The following KCTD16 variants were observed in gnomAD, a reference collection of about 807,000 sequenced individuals.
KCTD16 encodes the protein BTB/POZ domain-containing protein KCTD16.
Under a neutral mutation model 33.2 loss-of-function variants are expected in KCTD16, and 13 were observed. That is an observed-to-expected ratio of 0.39 (90% CI 0.25 to 0.62). The LOEUF is 0.62. Ranked by LOEUF, KCTD16 falls within the 20% of genes least tolerant of loss-of-function variation. The pLI is 0.50. For missense variants in KCTD16, 441 were observed against 525.1 expected (o/e 0.84, Z 1.57); for synonymous variants, 197 against 195.3 (o/e 1.01, Z -0.07).
chr5:144,431,981 T>A (rs546846870), intron 3 of KCTD16, among the ~76,000 whole-genome samples: 90 of 152,288 alleles, frequency 5.9e-4, no homozygotes, highest in African/African-American at 1.8e-3. Flanking sequence ...TAAATCATTT[T>A]AAGCACTCAT....
chr5:144,182,877 G>T (rs1021118833), intron 2 of KCTD16, among the ~76,000 whole-genome samples: 2 of 152,084 alleles, frequency 1.3e-5, no homozygotes, highest in African/African-American at 4.8e-5. Flanking sequence ...AGTTATGTTT[G>T]TTATTATTAT....
At chr5:144,316,963 G>A (rs1359442314) in intron 3 of KCTD16, among the ~76,000 whole-genome samples, 2 of 151,000 alleles carry the variant, frequency 1.3e-5, no homozygotes, top group African/African-American at 4.9e-5. Flanking sequence ...AAGTAGCTGT[G>A]CCTACAGGTG....
intron 3 of KCTD16, among the ~76,000 whole-genome samples, chr5:144,361,903 A>ATT (rs1230312520): frequency 9.6e-6 from 1 of 104,128 alleles, no homozygotes; most frequent in Non-Finnish European, 1.9e-5. Flanking sequence ...GGCTGGTGTT[A>ATT]TTTTGTGTGT....
intron 3 of KCTD16, among the ~76,000 whole-genome samples, chr5:144,386,074 A>G (rs1752317270): frequency 6.6e-6 from 1 of 152,208 alleles, no homozygotes; most frequent in Non-Finnish European, 1.5e-5. Flanking sequence ...AGAAATGTGT[A>G]AAGACAGGAT....
intron 3 of KCTD16, among the ~76,000 whole-genome samples, chr5:144,457,394 G>A (rs1754091992): frequency 6.6e-6 from 1 of 152,188 alleles, no homozygotes; most frequent in Admixed American, 6.5e-5. Flanking sequence ...GTTAGGAATG[G>A]TAGAAATGAA....
rs1754689569 is a variant in KCTD16, at chr5:144,480,756, T to A, written c.*6642T>A. On this transcript the variant is annotated 3_prime_UTR_variant, in exon 4 of 4. Coordinates refer to ENST00000512467, the MANE Select transcript of KCTD16 (RefSeq NM_020768.4). ...TGCTGCTAAAGATCCTACAGTGTAC[T>A]GGAAAGCCCTCCATAACAAAAAGTT... The A allele has an allele frequency of 6.6e-6, 1 of 151,932 alleles. No homozygotes were observed. Among genetic ancestry groups the A allele is most frequent in the Admixed American group, 6.6e-5 (1 of 15,224 alleles). 9.4% of individuals were successfully genotyped at this position (151,932 alleles called of 1,614,324 possible). A position where few individuals can be genotyped will look rare whatever the true frequency, so the allele number is the denominator to read the frequency against.
In KCTD16 at chr5:144,297,689, C is replaced by T. The variant is rs1056620283; in HGVS notation, c.832+90143C>T. 5.3e-5 allele frequency among the ~76,000 whole-genome samples: 8 copies of T among 152,252 alleles called. No individual in the cohort carries two copies. In the South Asian group the frequency reaches 6.2e-4, roughly 12 times the overall value. On this transcript the variant is annotated intron_variant, in intron 3 of 3. Coordinates refer to ENST00000512467, the MANE Select transcript of KCTD16 (RefSeq NM_020768.4). ...TGGGGCTTGCAACTTAGCTCACATCCGACCAATCAGGTAGTAAAGAGAGCT... is the reference window on the plus strand; with the variant it reads ...TGGGGCTTGCAACTTAGCTCACATCTGACCAATCAGGTAGTAAAGAGAGCT...
chr5:144,308,456 G>A (rs1194687098), intron 3 of KCTD16, among the ~76,000 whole-genome samples: 2 of 152,208 alleles, frequency 1.3e-5, no homozygotes, highest in African/African-American at 4.8e-5. Flanking sequence ...GTGGGCAGGT[G>A]TTGATTTTTT....
chr5:144,298,790 G>A (rs952597487), intron 3 of KCTD16, among the ~76,000 whole-genome samples: 3 of 151,612 alleles, frequency 2.0e-5, no homozygotes, highest in African/African-American at 7.3e-5. Context: ...TCTCTCTGAA[G>A]TCCTCTCATC....
At chr5:144,212,170 A>G (rs1580791749) in intron 3 of KCTD16, among the ~76,000 whole-genome samples, 2 of 152,140 alleles carry the variant, frequency 1.3e-5, no homozygotes, top group Admixed American at 1.3e-4. Flanking sequence ...TCAGGCAGAT[A>G]TTGGATAATA....
In KCTD16 at chr5:144,485,141, C is replaced by CCTG. The variant is rs1280284100; in HGVS notation, c.*11031_*11033dup. ...TGGGATGTAACACTGTAGATCTTCG[C>CCTG]CTGCTGTATTTCTTTCTTACCTATT... On this transcript the variant is annotated 3_prime_UTR_variant, in exon 4 of 4. Coordinates refer to ENST00000512467, the MANE Select transcript of KCTD16 (RefSeq NM_020768.4). 1.1e-4 allele frequency: 16 copies of CCTG among 151,930 alleles called. No individual in the cohort carries two copies. Among genetic ancestry groups the CCTG allele is most frequent in the Non-Finnish European group, 1.5e-5 (1 of 67,874 alleles). 9.4% of individuals were successfully genotyped at this position (151,930 alleles called of 1,614,324 possible).
At chr5:144,456,681 T>C (rs1561614858) in intron 3 of KCTD16, among the ~76,000 whole-genome samples, 1 of 152,162 alleles carries the variant, frequency 6.6e-6, no homozygotes, top group Non-Finnish European at 1.5e-5. Context: ...TTTTGACTGA[T>C]AAATTTGTAG....
intron 3 of KCTD16, among the ~76,000 whole-genome samples, chr5:144,358,360 A>C (rs1304246130): frequency 1.3e-5 from 2 of 152,082 alleles, no homozygotes; most frequent in Non-Finnish European, 2.9e-5. Flanking sequence ...AGCTATTTCC[A>C]TTTTTTAAAG....
chr5:144,274,559 G>A (rs1196260212), intron 3 of KCTD16, among the ~76,000 whole-genome samples: 1 of 152,176 alleles, frequency 6.6e-6, no homozygotes, highest in Non-Finnish European at 1.5e-5. Context: ...TCAGGGTCAT[G>A]ACTACTCTGG....
intron 3 of KCTD16, among the ~76,000 whole-genome samples, chr5:144,208,018 G>A (rs544746584): frequency 2.0e-5 from 3 of 152,300 alleles, no homozygotes; most frequent in African/African-American, 7.2e-5. Flanking sequence ...AATGGATGTT[G>A]CAATGAATAA....
chr5:144,311,482 G>A (rs1751766266), intron 3 of KCTD16, among the ~76,000 whole-genome samples: 1 of 152,052 alleles, frequency 6.6e-6, no homozygotes, highest in South Asian at 2.1e-4. Flanking sequence ...AGAAATAGAT[G>A]CAAAGATATA....
At chr5:144,466,664 A>T (rs1198341124) in intron 3 of KCTD16, among the ~76,000 whole-genome samples, 1 of 151,938 alleles carries the variant, frequency 6.6e-6, no homozygotes, top group Non-Finnish European at 1.5e-5. Context: ...GATGCTTTGT[A>T]TTTAAAAATA....
chr5:144,418,502 T>G (rs375104719), intron 3 of KCTD16, among the ~76,000 whole-genome samples: 1 of 152,162 alleles, frequency 6.6e-6, no homozygotes, highest in African/African-American at 2.4e-5. Context: ...TTACAATCCT[T>G]TAGCTAGACA....
chr5:144,246,598 C>A lies in KCTD16; in HGVS notation c.832+39052C>A, dbSNP rs115283854. Among the ~76,000 whole-genome samples, 467 of 151,620 alleles carry A rather than the reference C, an allele frequency of 3.1e-3. 2 individuals carry two copies. The highest frequency in any genetic ancestry group is 0.011 in the African/African-American group (455 of 41,274). On this transcript the variant is annotated intron_variant, in intron 3 of 3. Transcript: ENST00000512467. Reference sequence around the variant, plus strand: ...AAACTGGATATAGGGTATTGTGTACCCTATCTCCATATCACCTCAAGTAAA... The same window carrying A: ...AAACTGGATATAGGGTATTGTGTACACTATCTCCATATCACCTCAAGTAAA...
Sources: gnomAD v4.1 joint callset for allele counts (sites outside exome capture counted in the v4.1 genomes callset) on GRCh38, gnomAD v4.1.1 for gene constraint, MANE v1.5 for transcripts, NCBI Gene and HGNC (gene_info 2026-07-23, HGNC 2026-07-21) for gene names.